TBL1X: variants seen among roughly 807,000 people sequenced by gnomAD.
TBL1X encodes F-box-like/WD repeat-containing protein TBL1X.
In TBL1X, 10 loss-of-function variants were observed where a neutral mutation model predicts 50.7. The ratio of observed to expected loss-of-function variants is 0.20; its 90% CI spans 0.12 to 0.33. TBL1X has a LOEUF of 0.33. Ranked by LOEUF, TBL1X falls within the 10% of genes least tolerant of loss-of-function variation. The pLI, the probability that TBL1X is intolerant of heterozygous loss-of-function variation, is 1.00. For synonymous variants in TBL1X, 190 were observed against 214.7 expected, an observed-to-expected ratio of 0.88 and a Z score of 1.01; for missense variants, 340 against 504.4, an observed-to-expected ratio of 0.67 and a Z score of 3.12.
chrX:9,702,631 A>G (rs1201987710), intron 12 of TBL1X, among the ~76,000 whole-genome samples: 2 of 109,293 alleles, frequency 1.8e-5, no homozygotes, highest in African/African-American at 3.3e-5. Context: ...AAAAACTCAC[A>G]TAAGATGAGT....
At chrX:9,477,192 C>A (rs147987290) in intron 1 of TBL1X, among the ~76,000 whole-genome samples, 1,750 of 112,035 alleles carry the variant, frequency 0.016, 12 homozygotes, top group Non-Finnish European at 0.024. Flanking sequence ...ATGTGTCTGG[C>A]ACAACAGAGG....
intron 2 of TBL1X, among the ~76,000 whole-genome samples, chrX:9,542,980 G>A (rs1418311644): frequency 9.0e-6 from 1 of 111,693 alleles, no homozygotes; most frequent in African/African-American, 3.3e-5. Flanking sequence ...CATACTGAAC[G>A]TTTGTGTGTG....
chrX:9,652,963 G>A lies in TBL1X; in HGVS notation c.-42-582G>A, dbSNP rs757119702. On this transcript the variant is annotated intron_variant, in intron 3 of 17. Coordinates refer to ENST00000645353, the MANE Select transcript of TBL1X (RefSeq NM_005647.4). ...GGGTGGGTCACGAGGTCAGGAGATC[G>A]AGACCATCCTGGCCAACATGGTGAA... Among the ~76,000 whole-genome samples the A allele has an allele frequency of 1.4e-4, 16 of 111,161 alleles. No homozygotes were observed. The East Asian group carries it at 2.3e-3, about 16-fold the overall frequency.
chrX:9,705,302 A>G (rs184996355), intron 13 of TBL1X, among the ~76,000 whole-genome samples, 188 bp downstream of exon 13: 1 of 112,326 alleles, frequency 8.9e-6, no homozygotes, highest in East Asian at 2.8e-4. Flanking sequence ...TGGGGTTGGC[A>G]GTGAGAACAG....
At chrX:9,680,165 C>A (rs2083017254) in intron 5 of TBL1X, among the ~76,000 whole-genome samples, 1 of 111,192 alleles carries the variant, frequency 9.0e-6, no homozygotes, top group Non-Finnish European at 1.9e-5. Flanking sequence ...TTAATTGCTT[C>A]CTGAAGGCCC....
At chrX:9,513,106 A>G (rs1331731747) in intron 2 of TBL1X, among the ~76,000 whole-genome samples, 1 of 110,873 alleles carries the variant, frequency 9.0e-6, no homozygotes, top group Non-Finnish European at 1.9e-5. Flanking sequence ...GAGTCTCGGC[A>G]CAGTTGAGGA....
At chrX:9,490,629 C>G (rs895087082) in intron 1 of TBL1X, among the ~76,000 whole-genome samples, 4 of 112,115 alleles carry the variant, frequency 3.6e-5, no homozygotes, top group Non-Finnish European at 7.5e-5. Flanking sequence ...ATTGGTGATT[C>G]TTTCCATATA....
At chrX:9,607,274 C>A (rs189861704) in intron 2 of TBL1X, among the ~76,000 whole-genome samples, 1 of 112,978 alleles carries the variant, frequency 8.9e-6, no homozygotes, top group East Asian at 2.8e-4. Flanking sequence ...TCTGGACACT[C>A]GGCCTGACTT....
At chrX:9,681,596 C>T (rs1271891726) in intron 5 of TBL1X, among the ~76,000 whole-genome samples, 1 of 112,127 alleles carries the variant, frequency 8.9e-6, no homozygotes, top group Non-Finnish European at 1.9e-5. Context: ...GTGCTGCTTG[C>T]GGGAATGAAT....
rs2081985958 is a variant in TBL1X at position 9,498,827 on chromosome X, G to C, written c.-200-2953G>C. 2.7e-5 allele frequency among the ~76,000 whole-genome samples: 3 copies of C among 112,346 alleles called. No individual in the cohort carries two copies. In the South Asian group the frequency reaches 1.1e-3, roughly 41 times the overall value. ...GCGAGCTTGGTTTCCCCTTTGGGTT[G>C]CACAGTGCTGAGATCTGAGCCCAAG... On this transcript the variant is annotated intron_variant, in intron 1 of 17. Coordinates refer to ENST00000645353, the MANE Select transcript of TBL1X (RefSeq NM_005647.4).
chrX:9,659,337 G>A (rs1388084893), intron 5 of TBL1X, among the ~76,000 whole-genome samples: 1 of 110,306 alleles, frequency 9.1e-6, no homozygotes, highest in Admixed American at 9.7e-5. Context: ...TTGCAAGAAT[G>A]GCATAGAGAT....
At chrX:9,634,152 C>T (rs1479729214) in intron 2 of TBL1X, among the ~76,000 whole-genome samples, 1 of 111,712 alleles carries the variant, frequency 9.0e-6, no homozygotes, top group Non-Finnish European at 1.9e-5. Flanking sequence ...CTGATCAAAG[C>T]TTTTAGCAAA....
At chrX:9,647,106 C>G (rs1217065350) in intron 3 of TBL1X, among the ~76,000 whole-genome samples, 2 of 111,779 alleles carry the variant, frequency 1.8e-5, no homozygotes, top group Non-Finnish European at 3.8e-5. Context: ...TGAAATGAAA[C>G]TCTTAAACAG....
At chrX:9,574,025 A>G (rs983414688) in intron 2 of TBL1X, among the ~76,000 whole-genome samples, 1 of 111,855 alleles carries the variant, frequency 8.9e-6, no homozygotes, top group African/African-American at 3.3e-5. Context: ...TTCATGGGAA[A>G]GGATGCAGCG....
chrX:9,612,244 C>T (rs2146559840), intron 2 of TBL1X, among the ~76,000 whole-genome samples: 1 of 111,694 alleles, frequency 9.0e-6, no homozygotes, highest in African/African-American at 3.3e-5. Context: ...AATTTGTCGG[C>T]AGATACAATT....
At chrX:9,686,244 A>C (rs1237787598) in intron 6 of TBL1X, among the ~76,000 whole-genome samples, 1 of 111,651 alleles carries the variant, frequency 9.0e-6, no homozygotes, top group Non-Finnish European at 1.9e-5. Flanking sequence ...GCCAGCCATC[A>C]GATCTCAAGG....
chrX:9,513,756 T>C (rs1436582644), intron 2 of TBL1X, among the ~76,000 whole-genome samples: 1 of 109,879 alleles, frequency 9.1e-6, no homozygotes, highest in Non-Finnish European at 1.9e-5. Flanking sequence ...AAGGAATACC[T>C]GAGACTGGGT....
intron 5 of TBL1X, among the ~76,000 whole-genome samples, chrX:9,674,812 T>G (rs1020818904): frequency 9.2e-6 from 1 of 108,392 alleles, no homozygotes; most frequent in African/African-American, 3.4e-5. Flanking sequence ...ACCCCTGGCT[T>G]CAAATGATCC....
intron 1 of TBL1X, among the ~76,000 whole-genome samples, chrX:9,480,202 C>T (rs1054938687): frequency 8.9e-6 from 1 of 111,948 alleles, no homozygotes; most frequent in Non-Finnish European, 1.9e-5. Context: ...GATCTACCCG[C>T]CTCGGCCTCC....
Sources: allele counts gnomAD v4.1 joint callset (sites outside exome capture counted in the v4.1 genomes callset), GRCh38; gene constraint gnomAD v4.1.1; transcripts MANE v1.5; gene names NCBI Gene and HGNC (gene_info 2026-07-23, HGNC 2026-07-21).